Variants in TLK1 observed in about 807,000 individuals in gnomAD.
TLK1 encodes the protein tousled like kinase 1.
Under a neutral mutation model 105.3 loss-of-function variants are expected in TLK1, and 24 were observed. The observed-to-expected ratio is 0.23, with a 90% CI of 0.17 to 0.32. TLK1 has a LOEUF of 0.32. Among genes scored for constraint, TLK1 ranks in the 10% least tolerant of loss-of-function variants. TLK1 has a pLI of 1.00. For synonymous variants in TLK1, 321 were observed against 310.4 expected, an observed-to-expected ratio of 1.03 and a Z score of -0.36; for missense variants, 558 against 910.5, an observed-to-expected ratio of 0.61 and a Z score of 4.98.
intron 1 of TLK1, among the ~76,000 whole-genome samples, chr2:171,217,835 C>T (rs1693741800): frequency 6.6e-6 from 1 of 152,170 alleles, no homozygotes; most frequent in Admixed American, 6.5e-5. Context: ...ATATGTGTGA[C>T]TAAAATTGTT....
chr2:171,117,094 A>AT (rs1690465599), intron 2 of TLK1, among the ~76,000 whole-genome samples: 1 of 152,080 alleles, frequency 6.6e-6, no homozygotes, highest in African/African-American at 2.4e-5. Flanking sequence ...ATGGAAGACA[A>AT]TTTTTCCATG....
intron 13 of TLK1, among the ~76,000 whole-genome samples, chr2:171,012,510 A>G (rs1684968154): frequency 6.6e-6 from 1 of 152,236 alleles, no homozygotes; most frequent in East Asian, 1.9e-4. Flanking sequence ...TTTTGGAGAC[A>G]GAGTCTCGCT....
intron 1 of TLK1, among the ~76,000 whole-genome samples, chr2:171,150,327 T>A (rs950860416): frequency 4.6e-5 from 7 of 152,252 alleles, no homozygotes; most frequent in Admixed American, 6.5e-5. Context: ...AGTTACTGTA[T>A]CATTATCTAT....
intron 11 of TLK1, among the ~76,000 whole-genome samples, chr2:171,033,350 TA>T (rs896946682): frequency 6.6e-6 from 1 of 151,948 alleles, no homozygotes; most frequent in African/African-American, 2.4e-5. Flanking sequence ...TCATAAAAAT[TA>T]AAAACATTAA....
chr2:171,154,859 C>T (rs1692173569), intron 1 of TLK1, among the ~76,000 whole-genome samples: 1 of 152,150 alleles, frequency 6.6e-6, no homozygotes, highest in Admixed American at 6.5e-5. Context: ...GGTATTATTA[C>T]TTACTACACT....
intron 1 of TLK1, among the ~76,000 whole-genome samples, chr2:171,184,208 C>T (rs1692979774): frequency 6.6e-6 from 1 of 152,120 alleles, no homozygotes; most frequent in Non-Finnish European, 1.5e-5. Context: ...TAGGTTCTCA[C>T]CTAGAGAATC....
chr2:170,997,690 A>G, intron 19 of TLK1, 22 bp downstream of exon 19: 1 of 1,492,800 alleles, frequency 6.7e-7, no homozygotes, highest in Non-Finnish European at 9.2e-7. Context: ...GTAGAGCTGA[A>G]GGCTGGTAGA....
At chr2:171,015,059 A>G in intron 12 of TLK1, 111 bp from the exon 13 acceptor site, 4 of 801,016 alleles carry the variant, frequency 5.0e-6, no homozygotes, top group Non-Finnish European at 8.2e-6. Context: ...AGTATATTAT[A>G]AAGTACCACC....
At chr2:171,034,713 T>G (rs547924336) in intron 11 of TLK1, among the ~76,000 whole-genome samples, 1 of 152,306 alleles carries the variant, frequency 6.6e-6, no homozygotes, top group South Asian at 2.1e-4. Context: ...CTGTACATCT[T>G]TAAATGGTTA....
intron 1 of TLK1, among the ~76,000 whole-genome samples, chr2:171,152,574 TA>T (rs1692085442): frequency 6.6e-6 from 1 of 152,194 alleles, no homozygotes; most frequent in Admixed American, 6.5e-5. Context: ...AGTATTTTTT[TA>T]AAATACTTTT....
chr2:171,117,881 T>C (rs755195444), intron 1 of TLK1, 24 bp from the exon 2 acceptor site: 1 of 1,491,900 alleles, frequency 6.7e-7, no homozygotes, highest in Non-Finnish European at 9.3e-7. Flanking sequence ...AAAATATATA[T>C]GTACACATAT....
intron 1 of TLK1, among the ~76,000 whole-genome samples, chr2:171,167,716 AT>A (rs1408204734): frequency 2.0e-5 from 3 of 152,218 alleles, no homozygotes; most frequent in Non-Finnish European, 2.9e-5. Flanking sequence ...GAATTACTAG[AT>A]TCTCAAACAA....
intron 2 of TLK1, among the ~76,000 whole-genome samples, chr2:171,085,438 C>G (rs896146263): frequency 6.6e-6 from 1 of 151,752 alleles, no homozygotes; most frequent in Non-Finnish European, 1.5e-5. Context: ...AGTTGTCAGT[C>G]TCTTGTTGTC....
At chr2:171,166,047 T>G (rs576817374) in intron 1 of TLK1, among the ~76,000 whole-genome samples, 1 of 151,990 alleles carries the variant, frequency 6.6e-6, no homozygotes, top group Admixed American at 6.5e-5. Context: ...TTCAGTAATG[T>G]TACATGTTAC....
chr2:171,148,444 T>C (rs1428522295), intron 1 of TLK1, among the ~76,000 whole-genome samples: 7 of 152,106 alleles, frequency 4.6e-5, no homozygotes, highest in Admixed American at 1.3e-4. Context: ...ATTGTTGCTC[T>C]TGGTGGTGTA....
At chr2:171,201,036 C>T (rs1055935924) in intron 1 of TLK1, among the ~76,000 whole-genome samples, 1 of 152,034 alleles carries the variant, frequency 6.6e-6, no homozygotes, top group Non-Finnish European at 1.5e-5. Flanking sequence ...TGCATGCTAA[C>T]ATGCCCAGCT....
At chr2:171,078,702 A>G (rs1452610480) in intron 3 of TLK1, among the ~76,000 whole-genome samples, 3 of 152,222 alleles carry the variant, frequency 2.0e-5, no homozygotes, top group Non-Finnish European at 4.4e-5. Flanking sequence ...AGAGAATCTG[A>G]AAAAGGCAGA....
intron 1 of TLK1, among the ~76,000 whole-genome samples, chr2:171,176,069 T>G (rs1692816580): frequency 6.6e-6 from 1 of 152,126 alleles, no homozygotes; most frequent in South Asian, 2.1e-4. Context: ...CCTGAGTAGC[T>G]GGGATTACAA....
chr2:171,011,946 A>T (rs188400479), intron 13 of TLK1, among the ~76,000 whole-genome samples: 8 of 135,290 alleles, frequency 5.9e-5, no homozygotes, highest in South Asian at 2.4e-4. Flanking sequence ...TTTTAAAATT[A>T]AAAAAAAAAT....
Sources: gnomAD v4.1 joint callset for allele counts (sites outside exome capture counted in the v4.1 genomes callset) on GRCh38, gnomAD v4.1.1 for gene constraint, MANE v1.5 for transcripts, NCBI Gene and HGNC (gene_info 2026-07-23, HGNC 2026-07-21) for gene names.